The following TRNAU1AP variants were observed in gnomAD, a reference collection of about 807,000 sequenced individuals.
TRNAU1AP encodes the protein tRNA selenocysteine 1 associated protein 1.
A neutral mutation model predicts 43.3 loss-of-function variants in TRNAU1AP; 33 were observed. The observed-to-expected ratio is 0.76, with a 90% CI of 0.58 to 1.02. The LOEUF (loss-of-function observed/expected upper bound fraction) is 1.02, where lower values mean the gene tolerates loss of function less well. Ranked by LOEUF, TRNAU1AP falls within the 50% of genes least tolerant of loss-of-function variation. The pLI, the probability that TRNAU1AP is intolerant of heterozygous loss-of-function variation, is 0.00. For synonymous variants in TRNAU1AP, 143 were observed against 129.1 expected, an observed-to-expected ratio of 1.11 and a Z score of -0.73; for missense variants, 290 against 362.7, an observed-to-expected ratio of 0.80 and a Z score of 1.63.
Position 28,567,275 on chromosome 1 carries a change from G to C in TRNAU1AP, c.411-19G>C. 2 of 1,610,290 alleles carry C rather than the reference G, an allele frequency of 1.2e-6. No individual in the cohort carries two copies. The highest frequency in any genetic ancestry group is 1.7e-6 in the Non-Finnish European group (2 of 1,178,898). On this transcript the variant is annotated intron_variant, in intron 5 of 8. Coordinates refer to ENST00000373830, the MANE Select transcript of TRNAU1AP (RefSeq NM_017846.5). ...TTTAATCACATTTGTGATCTAAATT[G>C]TATATTTTTTTCATGCAGGGGTTAT...
intron 5 of TRNAU1AP, among the ~76,000 whole-genome samples, chr1:28,566,035 G>A (rs1398151869): frequency 3.3e-5 from 5 of 152,184 alleles, no homozygotes; most frequent in Admixed American, 3.3e-4. Context: ...GCTCAGCACA[G>A]GCTGGGTGCG....
chr1:28,569,127 G>T (rs894817622), intron 6 of TRNAU1AP, among the ~76,000 whole-genome samples: 2 of 152,008 alleles, frequency 1.3e-5, no homozygotes, highest in African/African-American at 4.8e-5. Context: ...CCATGTTTTT[G>T]AAAGCAATGA....
At position 28,567,386 on chromosome 1, in the gene TRNAU1AP, T is replaced by G. The variant is rs1665564824; in HGVS notation, c.503T>G (p.Val168Gly). ...GCAGTGGGACTGGGGTCTAAGCCTG[T>G]GCGGCTGAGCGTGGCAATCCCTAAA... ...QGAVGLGSKP[V>G]RLSVAIPKAS... Residue 168 changes from valine to glycine, a missense_variant, in exon 6 of 9, where the codon GTG becomes GGG. Around this residue, in one of 3 missense-constraint regions of TRNAU1AP, gnomAD observed 174 missense variants for 262.1 expected, o/e 0.66. Coordinates refer to ENST00000373830, the MANE Select transcript of TRNAU1AP (RefSeq NM_017846.5). The G allele has an allele frequency of 6.2e-7, 1 of 1,611,282 alleles. No homozygotes were observed. Among genetic ancestry groups the G allele is most frequent in the African/African-American group, 1.3e-5 (1 of 74,780 alleles).
intron 6 of TRNAU1AP, among the ~76,000 whole-genome samples, chr1:28,569,343 T>C (rs1328580388): frequency 2.0e-5 from 3 of 152,134 alleles, no homozygotes; most frequent in Non-Finnish European, 1.5e-5. Context: ...TACAATGAGC[T>C]ATGATAACTC....
At chr1:28,570,227 G>A (rs1665634259) in intron 6 of TRNAU1AP, among the ~76,000 whole-genome samples, 2 of 152,000 alleles carry the variant, frequency 1.3e-5, no homozygotes, top group Non-Finnish European at 2.9e-5. Flanking sequence ...GGGATTATAG[G>A]CGTGAGCTAC....
chr1:28,565,013 T>C, intron 5 of TRNAU1AP, 179 bp downstream of exon 5: 1 of 704,350 alleles, frequency 1.4e-6, no homozygotes, highest in East Asian at 2.7e-5. Context: ...TATTGTAGAA[T>C]TGAAGCTCTG....
At chr1:28,570,187 G>A (rs377682535) in intron 6 of TRNAU1AP, among the ~76,000 whole-genome samples, 6 of 152,024 alleles carry the variant, frequency 3.9e-5, no homozygotes, top group South Asian at 4.1e-4. Flanking sequence ...AGGATCAAGC[G>A]ATTCTCCTTC....
chr1:28,561,946 C>T (rs907359106), intron 4 of TRNAU1AP, among the ~76,000 whole-genome samples: 8 of 151,964 alleles, frequency 5.3e-5, no homozygotes, highest in Admixed American at 4.6e-4. Context: ...GTGGCAGGCG[C>T]CTGTAGTCCC....
At chr1:28,564,402 A>T (rs1163784995) in intron 4 of TRNAU1AP, among the ~76,000 whole-genome samples, 1 of 152,148 alleles carries the variant, frequency 6.6e-6, no homozygotes, top group Non-Finnish European at 1.5e-5. Context: ...TGCTGTTTTT[A>T]TGCAGTTTTA....
At chr1:28,566,871 G>A (rs1447044316) in intron 5 of TRNAU1AP, among the ~76,000 whole-genome samples, 1 of 152,246 alleles carries the variant, frequency 6.6e-6, no homozygotes, top group African/African-American at 2.4e-5. Flanking sequence ...TTGAGCTCAG[G>A]AGAGCAGGAA....
chr1:28,559,510 T>A (rs1474213122), intron 2 of TRNAU1AP, among the ~76,000 whole-genome samples: 1 of 151,812 alleles, frequency 6.6e-6, no homozygotes, highest in Non-Finnish European at 1.5e-5. Flanking sequence ...TGCCTGTAAT[T>A]CCAGCTACTT....
chr1:28,571,791 T>TAAAATAAAATAAAAA, intron 7 of TRNAU1AP, 76 bp from the exon 8 acceptor site: 2 of 1,253,164 alleles, frequency 1.6e-6, no homozygotes, highest in Non-Finnish European at 1.2e-6. Context: ...TCAAAAAAAA[T>TAAAATAAAATAAAAA]AAAAAATATA....
intron 6 of TRNAU1AP, among the ~76,000 whole-genome samples, chr1:28,568,560 C>G (rs78888210): frequency 6.6e-6 from 1 of 152,160 alleles, no homozygotes; most frequent in Non-Finnish European, 1.5e-5. Flanking sequence ...CAGGCATAAG[C>G]CATTGTGCCT....
chr1:28,559,637 G>A (rs2124192514), intron 2 of TRNAU1AP, among the ~76,000 whole-genome samples: 2 of 151,910 alleles, frequency 1.3e-5, no homozygotes, highest in East Asian at 3.9e-4. Flanking sequence ...TCCAGCCTGG[G>A]CAACAAGAGC....
intron 5 of TRNAU1AP, 36 bp from the exon 6 acceptor site, chr1:28,567,258 C>A (rs1008616263): frequency 6.2e-7 from 1 of 1,607,492 alleles, no homozygotes; most frequent in Admixed American, 1.7e-5. Context: ...ACTTTAATCA[C>A]ATTTGTGATC....
chr1:28,560,942 A>C (rs1665391936), intron 3 of TRNAU1AP: 2 of 937,382 alleles, frequency 2.1e-6, no homozygotes, highest in African/African-American at 3.3e-5. Flanking sequence ...CAGAGCCAGG[A>C]TTCAGACTGA....
intron 2 of TRNAU1AP, among the ~76,000 whole-genome samples, chr1:28,554,364 G>A (rs1665207429): frequency 6.6e-6 from 1 of 152,012 alleles, no homozygotes; most frequent in Admixed American, 6.6e-5. Context: ...GTTATGGTGA[G>A]GATTAAATGA....
intron 2 of TRNAU1AP, among the ~76,000 whole-genome samples, chr1:28,559,041 A>G (rs1387583333): frequency 6.6e-6 from 1 of 151,838 alleles, no homozygotes; most frequent in East Asian, 1.9e-4. Context: ...CCTGCATTGC[A>G]TTTGGTTCTT....
chr1:28,577,052 C>G (rs1416678174), intron 8 of TRNAU1AP, among the ~76,000 whole-genome samples: 1 of 152,172 alleles, frequency 6.6e-6, no homozygotes, highest in African/African-American at 2.4e-5. Context: ...TGTGACAGAG[C>G]AAGACCCTTT....
Sources: gnomAD v4.1 joint callset for allele counts (sites outside exome capture counted in the v4.1 genomes callset) on GRCh38, gnomAD v4.1.1 for gene constraint, gnomAD v4.1.1 regional missense constraint, MANE v1.5 for transcripts, NCBI Gene and HGNC (gene_info 2026-07-23, HGNC 2026-07-21) for gene names.